Variants in PIGO observed in about 807,000 individuals in gnomAD.
PIGO encodes phosphatidylinositol glycan anchor biosynthesis class O.
In PIGO, 66 loss-of-function variants were observed where a neutral mutation model predicts 86.9. That is an observed-to-expected ratio of 0.76 (90% CI 0.62 to 0.93). The LOEUF (loss-of-function observed/expected upper bound fraction) is 0.93, where lower values mean the gene tolerates loss of function less well. Among genes scored for constraint, PIGO ranks in the 40% least tolerant of loss-of-function variants. The pLI is 0.00. For missense variants in PIGO, 1,202 were observed against 1,359.1 expected (o/e 0.88, Z 1.82); for synonymous variants, 570 against 556.4 (o/e 1.02, Z -0.34).
At chr9:35,093,831 C>T in intron 4 of PIGO, 70 bp downstream of exon 4, 2 of 1,582,230 alleles carry the variant, frequency 1.3e-6, no homozygotes, top group South Asian at 1.2e-5. Context: ...AGGAAAGAAG[C>T]TCTAAGATAA....
intron 7 of PIGO, chr9:35,090,949 T>TC: frequency 1.8e-6 from 1 of 566,476 alleles, no homozygotes; most frequent in Non-Finnish European, 3.1e-6. Context: ...ATTTACTACT[T>TC]CCATCACTGG....
chr9:35,095,296 C>A lies in PIGO; in HGVS notation c.270G>T (p.Val90=). Residue 90 remains valine, a synonymous_variant, in exon 2 of 11, where the codon GTG becomes GTT. Transcript: ENST00000378617. ...GTAGGGAGACAGGAGGCTCTCTAGGCACGTGTGAATGCTGGGGCTGGGCGA... is the reference window on the plus strand; with the variant it reads ...GTAGGGAGACAGGAGGCTCTCTAGGAACGTGTGAATGCTGGGGCTGGGCGA... The part of the protein sequence containing the change: ...FDFAQPQHSH[V]PREPPVSLPF... The A allele has an allele frequency of 6.2e-7, 1 of 1,614,162 alleles. No homozygotes were observed. The highest frequency in any genetic ancestry group is 1.1e-5 in the South Asian group (1 of 91,084).
chr9:35,094,457 C>T, intron 2 of PIGO, 98 bp from the exon 3 acceptor site: 1 of 1,374,268 alleles, frequency 7.3e-7, no homozygotes, highest in East Asian at 2.4e-5. Context: ...GAAGTCCCAA[C>T]CATGCAACCT....
Position 35,092,496 on chromosome 9 carries a change from A to C in PIGO, c.1391T>G (p.Ile464Ser), listed in dbSNP as rs982318294. The C allele has an allele frequency of 1.9e-6, 3 of 1,614,238 alleles. No individual in the cohort carries two copies. The highest frequency in any genetic ancestry group is 1.7e-6 in the Non-Finnish European group (2 of 1,180,010). Reference sequence around the variant, plus strand: ...TGCCCACTGAGATGCCAGCAGGCAGATAAAGCAGGAAGCAGCCAAGAGAGC... The same window carrying C: ...TGCCCACTGAGATGCCAGCAGGCAGCTAAAGCAGGAAGCAGCCAAGAGAGC... ...GTALLAASCF[I>S]CLLASQWAIS... Residue 464 changes from isoleucine to serine, a missense_variant, in exon 7 of 11, where the codon ATC becomes AGC. Transcript: ENST00000378617.
rs1426369808 is a variant in PIGO, at chr9:35,088,695, A to C, written c.*397T>G. On this transcript the variant is annotated 3_prime_UTR_variant, in exon 11 of 11. Coordinates refer to ENST00000378617, the MANE Select transcript of PIGO (RefSeq NM_032634.4). ...CCACATCTCAGACACACATAATTATATTATCATTTTATTACACTTTTTTTT... is the reference window on the plus strand; with the variant it reads ...CCACATCTCAGACACACATAATTATCTTATCATTTTATTACACTTTTTTTT... 5.8e-6 allele frequency: 1 copy of C among 173,036 alleles called. No homozygotes were observed. The highest frequency in any genetic ancestry group is 5.5e-5 in the Admixed American group (1 of 18,240). The allele number at this position is 173,036 out of a possible 1,614,324, so 10.7% of individuals were successfully genotyped here.
chr9:35,091,819 G>A lies in PIGO; in HGVS notation c.2068C>T (p.Arg690Cys), dbSNP rs745425967. The A allele has an allele frequency of 1.5e-5, 25 of 1,613,560 alleles. No homozygotes were observed. Among genetic ancestry groups the A allele is most frequent in the East Asian group, 6.7e-5 (3 of 44,898 alleles). ...LLAAVRLWLR[R>C]YGNLKSPEPP... ...TCGGGGCTCTTGAGATTACCATAGCGGCGAAGCCACAAGCGCACGGCAGCT... is the reference window on the plus strand; with the variant it reads ...TCGGGGCTCTTGAGATTACCATAGCAGCGAAGCCACAAGCGCACGGCAGCT... Residue 690 changes from arginine to cysteine, a missense_variant, in exon 7 of 11, where the codon CGC becomes TGC. Coordinates refer to ENST00000378617, the MANE Select transcript of PIGO (RefSeq NM_032634.4).
At position 35,095,146 on chromosome 9, in the gene PIGO, A is replaced by C. The variant is rs1829607079; in HGVS notation, c.420T>G (p.Thr140=). 1.9e-6 allele frequency: 3 copies of C among 1,614,204 alleles called. No homozygotes were observed. The highest frequency in any genetic ancestry group is 2.5e-6 in the Non-Finnish European group (3 of 1,180,028). ...TTMQRLKALT[T]GSLPTFIDAG... is the part of the protein sequence containing the mutation. Reference sequence around the variant, plus strand: ...CATCAATAAAGGTAGGCAGTGAGCCAGTGGTGAGGGCCTTGAGGCGCTGCA... The same window carrying C: ...CATCAATAAAGGTAGGCAGTGAGCCCGTGGTGAGGGCCTTGAGGCGCTGCA... Residue 140 remains threonine (T), a synonymous_variant, in exon 2 of 11, where the codon ACT becomes ACG. Coordinates refer to ENST00000378617, the MANE Select transcript of PIGO (RefSeq NM_032634.4).
Position 35,093,508 on chromosome 9 carries a change from T to C in PIGO, c.852A>G (p.Gly284=), listed in dbSNP as rs1371825838. 1.2e-6 allele frequency: 2 copies of C among 1,613,936 alleles called. No individual in the cohort carries two copies. The highest frequency in any genetic ancestry group is 2.7e-5 in the African/African-American group (2 of 74,890). Residue 284 remains glycine (G), a synonymous_variant, in exon 5 of 11, where the codon GGA becomes GGG. Coordinates refer to ENST00000378617, the MANE Select transcript of PIGO (RefSeq NM_032634.4). ...VAGDHGMTTN[G]DHGGDSELEV... is the part of the protein sequence containing the mutation. Reference sequence around the variant, plus strand: ...CCAGCTCACTGTCCCCTCCATGGTCTCCATTTGTGGTCATCCCATGGTCCC... The same window carrying C: ...CCAGCTCACTGTCCCCTCCATGGTCCCCATTTGTGGTCATCCCATGGTCCC...
Position 35,089,076 on chromosome 9 carries a change from G to A in PIGO, c.*16C>T, listed in dbSNP as rs1260819942. 2 of 1,614,056 alleles carry A rather than the reference G, an allele frequency of 1.2e-6. No homozygotes were observed. On this transcript the variant is annotated 3_prime_UTR_variant, in exon 11 of 11. Coordinates refer to ENST00000378617, the MANE Select transcript of PIGO (RefSeq NM_032634.4). ...AAGCACTCTCTGTAGCCAAGTGCCAGTAATCACAGACTAGGCTACCTCTGC... is the reference window on the plus strand; with the variant it reads ...AAGCACTCTCTGTAGCCAAGTGCCAATAATCACAGACTAGGCTACCTCTGC...
rs895003968 is a variant in PIGO, at chr9:35,091,722, G to A, written c.2165C>T (p.Ala722Val). 10 of 1,612,048 alleles carry A rather than the reference G, an allele frequency of 6.2e-6. No homozygotes were observed. Among genetic ancestry groups the A allele is most frequent in the Non-Finnish European group, 8.5e-6 (10 of 1,180,014 alleles). The change falls in exon 7 of 11, where the codon GCG becomes GTG. Residue 722 changes from alanine to valine, a missense_variant. Physicochemically the swap from Ala to Val is moderately conservative, Grantham distance 64. Transcript: ENST00000378617. ...ALGTAAYWAL[A>V]SGADEAPPRL... ...GGGGGGAGCCTCATCTGCCCCCGAC[G>A]CCAATGCCCAGTAGGCAGCAGTACC...
At chr9:35,090,380 A>T in intron 8 of PIGO, 86 bp downstream of exon 8, 6 of 1,550,070 alleles carry the variant, frequency 3.9e-6, no homozygotes, top group Non-Finnish European at 3.5e-6. Context: ...CAACAAACCC[A>T]TATCTCTCCA....
In PIGO at chr9:35,088,930, T is replaced by TGAATTATA; in HGVS notation, c.*154_*161dup. 1.0e-6 allele frequency: 1 copy of TGAATTATA among 999,532 alleles called. No homozygotes were observed. Among genetic ancestry groups the TGAATTATA allele is most frequent in the Non-Finnish European group, 1.5e-6 (1 of 682,642 alleles). 61.9% of individuals were successfully genotyped at this position (999,532 alleles called of 1,614,324 possible). A position where few individuals can be genotyped will look rare whatever the true frequency, so the allele number is the denominator to read the frequency against. ...TAGGGATCATACTCCACTGTGGTCC[T>TGAATTATA]GAATTATAGAATAATGAAGTCCTAG... On this transcript the variant is annotated 3_prime_UTR_variant, in exon 11 of 11. Transcript: ENST00000378617.
At chr9:35,089,358 C>G in intron 10 of PIGO, 22 bp downstream of exon 10, 1 of 1,614,218 alleles carries the variant, frequency 6.2e-7, no homozygotes, top group Non-Finnish European at 8.5e-7. Flanking sequence ...ACCACCTCTA[C>G]TTCTCAAGCA....
Position 35,090,161 on chromosome 9 carries a change from G to A in PIGO, c.2974C>T (p.Pro992Ser). Reference sequence around the variant, plus strand: ...TCCCGGAGCCGCATCTCCATCAGTGGCTCCTCTTCCTCCTCGGGTCTGACT... The same window carrying A: ...TCCCGGAGCCGCATCTCCATCAGTGACTCCTCTTCCTCCTCGGGTCTGACT... ...ARVRPEEEEEPLMEMRLRDAP... is the reference protein window; with the variant it reads ...ARVRPEEEEESLMEMRLRDAP... The change falls in exon 9 of 11, where the codon CCA (proline) becomes TCA (serine). Residue 992 changes from proline (P) to serine (S), a missense_variant. Physicochemically the swap from Pro to Ser is moderately conservative, Grantham distance 74 (BLOSUM62 -1). Transcript: ENST00000378617. 1.2e-6 allele frequency: 2 copies of A among 1,614,218 alleles called. No individual in the cohort carries two copies. The highest frequency in any genetic ancestry group is 1.7e-6 in the Non-Finnish European group (2 of 1,180,042).
Position 35,089,038 on chromosome 9 carries a change from C to A in PIGO, c.*54G>T. ...TCATCCAGTACCTGTACAGGCCAGG[C>A]TACACTGTTCTCAAGCACTCTCTGT... On this transcript the variant is annotated 3_prime_UTR_variant, in exon 11 of 11. Transcript: ENST00000378617. 6.2e-7 allele frequency: 1 copy of A among 1,610,282 alleles called. No individual in the cohort carries two copies. Among genetic ancestry groups the A allele is most frequent in the Non-Finnish European group, 8.5e-7 (1 of 1,178,420 alleles).
chr9:35,091,704 G>A lies in PIGO; in HGVS notation c.2183C>T (p.Ala728Val), dbSNP rs1352264675. The A allele has an allele frequency of 6.2e-7, 1 of 1,612,140 alleles. No homozygotes were observed. Among genetic ancestry groups the A allele is most frequent in the Non-Finnish European group, 8.5e-7 (1 of 1,180,020 alleles). ...GACCAGGACCCGGAGACGGGGGGGA[G>A]CCTCATCTGCCCCCGACGCCAATGC... is the stretch of plus-strand genomic sequence containing the variant. ...YWALASGADE[A>V]PPRLRVLVSG... The change falls in exon 7 of 11, where the codon GCT becomes GTT. Residue 728 changes from alanine to valine, a missense_variant. Coordinates refer to ENST00000378617, the MANE Select transcript of PIGO (RefSeq NM_032634.4).
rs201781179 is a variant in PIGO at position 35,092,617 on chromosome 9, C to T, written c.1270G>A (p.Val424Met). 1 of 1,614,268 alleles carries T rather than the reference C, an allele frequency of 6.2e-7. No homozygotes were observed. The highest frequency in any genetic ancestry group is 2.2e-5 in the East Asian group (1 of 44,884). Residue 424 changes from valine to methionine, a missense_variant, in exon 7 of 11, where the codon GTG becomes ATG. Physicochemically the swap from Val to Met is conservative, Grantham distance 21. Coordinates refer to ENST00000378617, the MANE Select transcript of PIGO (RefSeq NM_032634.4). ...AGGAACTGCTGCAGCTCAGCAATCA[C>T]AGTCGGCAGTGTCGCCTCAGCCCCC... Reference protein sequence around the residue: ...PKGAEATLPTVIAELQQFLRG... With the variant: ...PKGAEATLPTMIAELQQFLRG...
At position 35,094,027 on chromosome 9, in the gene PIGO, G is replaced by A. The variant is rs1276037608; in HGVS notation, c.656-3C>T. On this transcript the variant is annotated splice_region_variant and splice_polypyrimidine_tract_variant and intron_variant, in intron 3 of 10. Coordinates refer to ENST00000378617, the MANE Select transcript of PIGO (RefSeq NM_032634.4). ...CACGTCCCATTCACCACTGTCCACT[G>A]TGAAGGGGAGAACACTGAGCACAGA... The A allele has an allele frequency of 2.5e-6, 4 of 1,613,132 alleles. No homozygotes were observed. The highest frequency in any genetic ancestry group is 2.2e-5 in the East Asian group (1 of 44,880).
At position 35,095,408 on chromosome 9, in the gene PIGO, C is replaced by T. The variant is rs750495026; in HGVS notation, c.158G>A (p.Gly53Glu). 3.3e-5 allele frequency: 54 copies of T among 1,614,022 alleles called. No homozygotes were observed. Among genetic ancestry groups the T allele is most frequent in the Middle Eastern group, 3.3e-4 (2 of 6,084 alleles). ...GCAGGCCCCAGGTTTCCCTTGGCTC[C>T]CCCATGGCAGGGACCCAGGGCCTGG... ...EPPGPGSLPW[G>E]SQGKPGACWM... is the part of the protein sequence containing the mutation. The change falls in exon 2 of 11, where the codon GGG becomes GAG. Residue 53 changes from glycine to glutamate, a missense_variant. Coordinates refer to ENST00000378617, the MANE Select transcript of PIGO (RefSeq NM_032634.4).
Sources: gnomAD v4.1 joint callset for allele counts on GRCh38, gnomAD v4.1.1 for gene constraint, MANE v1.5 for transcripts, NCBI Gene and HGNC (gene_info 2026-07-23, HGNC 2026-07-21) for gene names.